The following RUNX3 variants were observed in gnomAD, a reference collection of about 807,000 sequenced individuals.
RUNX3 encodes runt-related transcription factor 3.
In RUNX3, 10 loss-of-function variants were observed where a neutral mutation model predicts 27.7. The ratio of observed to expected loss-of-function variants is 0.36; its 90% CI spans 0.22 to 0.61. The LOEUF is 0.61. Among genes scored for constraint, RUNX3 ranks in the 20% least tolerant of loss-of-function variants. The pLI is 0.72. For missense variants in RUNX3, 469 were observed against 629.5 expected, an observed-to-expected ratio of 0.75 and a Z score of 2.73; for synonymous variants, 270 against 269.2, an observed-to-expected ratio of 1.00 and a Z score of -0.03.
chr1:24,935,798 C>T (rs935612350), intron 2 of RUNX3, among the ~76,000 whole-genome samples: 1 of 152,216 alleles, frequency 6.6e-6, no homozygotes, highest in African/African-American at 2.4e-5. Flanking sequence ...CGCCAATTGT[C>T]GCTCACCCTC....
upstream of RUNX3, among the ~76,000 whole-genome samples, chr1:24,933,674 C>T (rs188885399): frequency 1.3e-5 from 2 of 152,304 alleles, no homozygotes; most frequent in Non-Finnish European, 1.5e-5. Flanking sequence ...AGCTGGGTCT[C>T]GATGATTGCC....
intron 2 of RUNX3, among the ~76,000 whole-genome samples, chr1:24,952,231 A>G (rs1641785040): frequency 6.6e-6 from 1 of 152,160 alleles, no homozygotes; most frequent in South Asian, 2.1e-4. Context: ...CCCCGCCCCC[A>G]CAGTGCTTAT....
At chr1:24,928,925 G>T (rs1005818528) in intron 1 of RUNX3, 11 of 406,168 alleles carry the variant, frequency 2.7e-5, no homozygotes, top group Non-Finnish European at 2.4e-5. Context: ...GTTTCATCTC[G>T]CTGCCCCCTT....
At chr1:24,963,886 A>G (rs1164917425) in intron 2 of RUNX3, among the ~76,000 whole-genome samples, 1 of 152,236 alleles carries the variant, frequency 6.6e-6, no homozygotes, top group Non-Finnish European at 1.5e-5. Context: ...AAAGCTGCCC[A>G]GAAACACTTT....
At chr1:24,954,536 C>G (rs901382039) in intron 2 of RUNX3, among the ~76,000 whole-genome samples, 3 of 152,180 alleles carry the variant, frequency 2.0e-5, no homozygotes, top group Non-Finnish European at 4.4e-5. Context: ...GTTCTGTGGT[C>G]GCTGTCCTGA....
Position 24,927,813 on chromosome 1 carries a change from T to G in RUNX3, c.283-83A>C. The stretch of plus-strand genomic sequence containing the variant: ...AGGGAAAGGAGGGGAGGGGCTGGGC[T>G]GGGCAGCTCCCCCAGGTCCCAGGCA... On this transcript the variant is annotated intron_variant, in intron 1 of 4. Coordinates refer to ENST00000308873, the MANE Select transcript of RUNX3 (RefSeq NM_004350.3). This position sits in a 1 kb window ranked among gnomAD's most constrained non-coding sequence, Gnocchi z 5.0. 13 of 1,205,860 alleles carry G rather than the reference T, an allele frequency of 1.1e-5. No homozygotes were observed. Among genetic ancestry groups the G allele is most frequent in the Non-Finnish European group, 1.6e-5 (13 of 814,492 alleles). 74.7% of individuals were successfully genotyped at this position (1,205,860 alleles called of 1,614,324 possible).
At chr1:24,905,741 C>G (rs528820641) in intron 4 of RUNX3, among the ~76,000 whole-genome samples, 1 of 152,350 alleles carries the variant, frequency 6.6e-6, no homozygotes, top group East Asian at 1.9e-4. Context: ...CCCGCTGAGC[C>G]CCGATCCCCT....
At chr1:24,909,044 T>C (rs1439354938) in intron 3 of RUNX3, among the ~76,000 whole-genome samples, 1 of 152,120 alleles carries the variant, frequency 6.6e-6, no homozygotes, top group Non-Finnish European at 1.5e-5. Context: ...TTCCACTCCC[T>C]ATCTGCCAGA....
At chr1:24,949,716 C>T (rs1341646899) in intron 2 of RUNX3, among the ~76,000 whole-genome samples, 2 of 152,262 alleles carry the variant, frequency 1.3e-5, no homozygotes, top group Non-Finnish European at 2.9e-5. Context: ...ATCATCCACG[C>T]GGCCTGGGCC....
In RUNX3 at chr1:24,962,166, T is replaced by C. The variant is rs1053801922; in HGVS notation, c.58+2348A>G. The C allele has an allele frequency of 1.1e-4, 16 of 152,160 alleles. No homozygotes were observed. The highest frequency in any genetic ancestry group is 3.9e-4 in the African/African-American group (16 of 41,422). 9.4% of individuals were successfully genotyped at this position (152,160 alleles called of 1,614,324 possible). A position where few individuals can be genotyped will look rare whatever the true frequency, so the allele number is the denominator to read the frequency against. The stretch of plus-strand genomic sequence containing the variant: ...ATTGTTCATGCTCATCACAACTGCA[T>C]GGCCCACCGCGGGGTCTTGTCACTC... On this transcript the variant is annotated intron_variant, in intron 2 of 6. Coordinates refer to the RUNX3 transcript ENST00000338888. This position sits in a 1 kb window ranked among gnomAD's most constrained non-coding sequence, Gnocchi z 4.5.
intron 2 of RUNX3, among the ~76,000 whole-genome samples, chr1:24,946,573 TC>T (rs1372074280): frequency 2.6e-5 from 4 of 151,970 alleles, no homozygotes; most frequent in Non-Finnish European, 2.9e-5. Flanking sequence ...GAAAGCCCAT[TC>T]CCCCCCTACT....
intron 2 of RUNX3, among the ~76,000 whole-genome samples, chr1:24,946,750 C>T (rs535741399): frequency 6.6e-6 from 1 of 152,114 alleles, no homozygotes; most frequent in Non-Finnish European, 1.5e-5. Context: ...AGGCTCCGGA[C>T]ACCGCCCCAC....
intron 2 of RUNX3, among the ~76,000 whole-genome samples, chr1:24,924,039 A>G (rs1641050045): frequency 9.4e-6 from 1 of 106,594 alleles, no homozygotes; most frequent in Admixed American, 9.8e-5. Context: ...GGTGGTGAAG[A>G]TTCAATTCTT....
chr1:24,905,513 G>C (rs1640647818), intron 4 of RUNX3, among the ~76,000 whole-genome samples: 1 of 152,220 alleles, frequency 6.6e-6, no homozygotes, highest in Non-Finnish European at 1.5e-5. Flanking sequence ...CCTCAGGAGG[G>C]AGCAGGCAGA....
chr1:24,909,595 C>T (rs1557837963), intron 3 of RUNX3, among the ~76,000 whole-genome samples: 1 of 152,222 alleles, frequency 6.6e-6, no homozygotes, highest in Non-Finnish European at 1.5e-5. Context: ...AATGACGCTG[C>T]TCTCCCTCTT....
chr1:24,911,804 C>A (rs1438602821), intron 3 of RUNX3, among the ~76,000 whole-genome samples: 1 of 152,226 alleles, frequency 6.6e-6, no homozygotes, highest in Non-Finnish European at 1.5e-5. Context: ...GAGACCGACG[C>A]TGAGCGCCTG....
chr1:24,929,796 C>T lies in RUNX3; in HGVS notation c.73G>A (p.Gly25Ser). The T allele has an allele frequency of 7.0e-7, 1 of 1,427,730 alleles. No homozygotes were observed. Among genetic ancestry groups the T allele is most frequent in the Non-Finnish European group, 9.1e-7 (1 of 1,098,398 alleles). 88.4% of individuals were successfully genotyped at this position (1,427,730 alleles called of 1,614,324 possible). A position where few individuals can be genotyped will look rare whatever the true frequency, so the allele number is the denominator to read the frequency against. Residue 25 changes from glycine (G) to serine (S), a missense_variant, in exon 1 of 5, where the codon GGC becomes AGC. By Grantham distance (56) the Gly-to-Ser change is moderately conservative. Coordinates refer to ENST00000308873, the MANE Select transcript of RUNX3 (RefSeq NM_004350.3). ...PPSPAFPCGG[G>S]GGKMGENSGA... ...CTGTTCTCGCCCATCTTGCCGCCGC[C>T]GCCGCCGCAGGGGAAGGCCGGGGAG...
chr1:24,950,071 T>C (rs1470427962), intron 2 of RUNX3, among the ~76,000 whole-genome samples: 1 of 152,206 alleles, frequency 6.6e-6, no homozygotes, highest in African/African-American at 2.4e-5. Context: ...TTTCTGGGGG[T>C]CCTGCATGTC....
At chr1:24,955,415 C>T (rs1641891154) in intron 2 of RUNX3, among the ~76,000 whole-genome samples, 1 of 152,186 alleles carries the variant, frequency 6.6e-6, no homozygotes, top group African/African-American at 2.4e-5. Context: ...GCAAGTCCCA[C>T]CATCTGCCTG....
Sources: gnomAD v4.1 joint callset for allele counts (sites outside exome capture counted in the v4.1 genomes callset) on GRCh38, gnomAD v4.1.1 for gene constraint, Gnocchi (gnomAD v3.1) non-coding constraint, MANE v1.5 for transcripts, NCBI Gene and HGNC (gene_info 2026-07-23, HGNC 2026-07-21) for gene names.